GPAT4: variants seen among roughly 807,000 people sequenced by gnomAD.
GPAT4 encodes the protein glycerol-3-phosphate acyltransferase 4, also known as 1-AGP acyltransferase 6.
A neutral mutation model predicts 58.0 loss-of-function variants in GPAT4; 17 were observed. The observed-to-expected ratio is 0.29, with a 90% CI of 0.20 to 0.44. The LOEUF is 0.44. Among genes scored for constraint, GPAT4 ranks in the 20% least tolerant of loss-of-function variants. The pLI, the probability that GPAT4 is intolerant of heterozygous loss-of-function variation, is 1.00. For synonymous variants in GPAT4, 204 were observed against 210.1 expected, an observed-to-expected ratio of 0.97 and a Z score of 0.25; for missense variants, 377 against 574.5, an observed-to-expected ratio of 0.66 and a Z score of 3.51.
intron 1 of GPAT4, among the ~76,000 whole-genome samples, chr8:41,579,768 G>A (rs1300347313): frequency 6.6e-6 from 1 of 152,032 alleles, no homozygotes; most frequent in East Asian, 1.9e-4. Flanking sequence ...AACCCAGGAG[G>A]CAGAGGTTGC....
At chr8:41,609,516 A>G (rs1803378524) in intron 3 of GPAT4, 31 bp downstream of exon 3, 1 of 1,611,994 alleles carries the variant, frequency 6.2e-7, no homozygotes. Flanking sequence ...TTGTCCTGAG[A>G]GGTCCATTTG....
At position 41,611,945 on chromosome 8, in the gene GPAT4, C is replaced by T. The variant is rs754067228; in HGVS notation, c.654C>T (p.Tyr218=). The T allele has an allele frequency of 4.3e-6, 7 of 1,614,020 alleles. No homozygotes were observed. In the African/African-American group the frequency reaches 8.0e-5, roughly 18 times the overall value. ...GTAAACATGTTCACTTAATGTGTTA[C>T]CGGATCTGCGTGCGAGCGCTGACAG... ...FMSKHVHLMC[Y]RICVRALTAI... The change falls in exon 6 of 13, where the codon TAC becomes TAT. Residue 218 remains tyrosine (Y), a synonymous_variant. Coordinates refer to ENST00000396987, the MANE Select transcript of GPAT4 (RefSeq NM_178819.4).
At chr8:41,613,988 TTTGCTACATCTCAGGGACAG>T (rs1317069740) in intron 8 of GPAT4, among the ~76,000 whole-genome samples, 1 of 152,230 alleles carries the variant, frequency 6.6e-6, no homozygotes, top group Non-Finnish European at 1.5e-5. Flanking sequence ...CCTAACTCCC[TTTGCTACATCTCAGGGACAG>T]AGCATCGAGC....
chr8:41,614,620 A>C (rs545349242), intron 9 of GPAT4, among the ~76,000 whole-genome samples, 179 bp downstream of exon 9: 1 of 152,312 alleles, frequency 6.6e-6, no homozygotes, highest in South Asian at 2.1e-4. Context: ...CAGAATTTGA[A>C]CTAAGAATGC....
In GPAT4 at chr8:41,598,952, G is replaced by A. The variant is rs1399824546; in HGVS notation, c.-188G>A. The stretch of plus-strand genomic sequence containing the variant: ...GCGTTTGCAGTTGCCTCCTGTGGCC[G>A]TGTTTTTCTGTCATTCTGTTCCCAG... On this transcript the variant is annotated 5_prime_UTR_variant, in exon 2 of 13. It adds an upstream start codon to the 5' untranslated region. Transcript: ENST00000396987. The A allele has an allele frequency of 9.8e-6, 7 of 714,194 alleles. No homozygotes were observed. The highest frequency in any genetic ancestry group is 2.8e-5 in the East Asian group (1 of 36,358). The allele number at this position is 714,194 out of a possible 1,614,324, so 44.2% of individuals were successfully genotyped here. A position where few individuals can be genotyped will look rare whatever the true frequency, so the allele number is the denominator to read the frequency against.
chr8:41,618,611 C>A, intron 10 of GPAT4, 73 bp from the exon 11 acceptor site: 1 of 1,575,982 alleles, frequency 6.3e-7, no homozygotes, highest in Non-Finnish European at 8.7e-7. Flanking sequence ...GAGTCACTCA[C>A]AGCAGTCACT....
chr8:41,599,384 A>C (rs963780853), intron 2 of GPAT4, 80 bp downstream of exon 2: 1 of 1,509,278 alleles, frequency 6.6e-7, no homozygotes, highest in African/African-American at 1.4e-5. Context: ...TTACAGGCCT[A>C]TTATCTCTTT....
At chr8:41,599,326 G>C in intron 2 of GPAT4, 22 bp downstream of exon 2, 2 of 1,612,862 alleles carry the variant, frequency 1.2e-6, no homozygotes, top group East Asian at 4.5e-5. Context: ...TGTTACAAAA[G>C]GTTGCTTCAC....
chr8:41,610,984 T>TG (rs1304557240), intron 5 of GPAT4, among the ~76,000 whole-genome samples, 174 bp downstream of exon 5: 1 of 152,212 alleles, frequency 6.6e-6, no homozygotes, highest in Non-Finnish European at 1.5e-5. Flanking sequence ...CCCAGCACTT[T>TG]GGGAGGCTGA....
rs1735735517 is a variant in GPAT4, at chr8:41,612,854, G to A, written c.805G>A (p.Val269Met). The A allele has an allele frequency of 6.2e-7, 1 of 1,614,070 alleles. No individual in the cohort carries two copies. Among genetic ancestry groups the A allele is most frequent in the African/African-American group, 1.3e-5 (1 of 75,024 alleles). ...SDGYYAMVGQ[V>M]HGGLMGVIQR... is the part of the protein sequence containing the mutation. The stretch of plus-strand genomic sequence containing the variant: ...CTGTGCCTGCGCTTAGGTGGGTCAA[G>A]TGCACGGGGGACTCATGGGTGTGAT... The change falls in exon 8 of 13, where the codon GTG becomes ATG. Residue 269 changes from valine (V) to methionine (M), a missense_variant. Val to Met is a conservative substitution (Grantham distance 21). Coordinates refer to ENST00000396987, the MANE Select transcript of GPAT4 (RefSeq NM_178819.4).
chr8:41,590,564 C>G (rs1056916230), intron 1 of GPAT4, among the ~76,000 whole-genome samples: 1 of 152,210 alleles, frequency 6.6e-6, no homozygotes. Flanking sequence ...GACAATGACT[C>G]CACCGTACAG....
At chr8:41,611,836 A>G in intron 5 of GPAT4, 67 bp from the exon 6 acceptor site, 1 of 1,480,742 alleles carries the variant, frequency 6.8e-7, no homozygotes, top group African/African-American at 1.4e-5. Flanking sequence ...GAGCTGTTGA[A>G]GTCAGTAACT....
At chr8:41,607,461 G>T (rs116640887) in intron 2 of GPAT4, among the ~76,000 whole-genome samples, 2 of 152,118 alleles carry the variant, frequency 1.3e-5, no homozygotes, top group African/African-American at 4.8e-5. Flanking sequence ...TCATCTGAGA[G>T]GCCTTATGTC....
chr8:41,590,919 G>A (rs1367234736), intron 1 of GPAT4, among the ~76,000 whole-genome samples: 1 of 152,106 alleles, frequency 6.6e-6, no homozygotes, highest in Non-Finnish European at 1.5e-5. Flanking sequence ...ACAAGGGAAG[G>A]GCCTTGAGTT....
rs1803787016 is a variant in GPAT4, at chr8:41,622,584, C to T, written c.*1583C>T. The T allele has an allele frequency of 6.6e-6, 1 of 152,374 alleles. No individual in the cohort carries two copies. Among genetic ancestry groups the T allele is most frequent in the African/African-American group, 2.4e-5 (1 of 41,446 alleles). The allele number at this position is 152,374 out of a possible 1,614,324, so 9.4% of individuals were successfully genotyped here. A position where few individuals can be genotyped will look rare whatever the true frequency, so the allele number is the denominator to read the frequency against. On this transcript the variant is annotated 3_prime_UTR_variant, in exon 13 of 13. Coordinates refer to ENST00000396987, the MANE Select transcript of GPAT4 (RefSeq NM_178819.4). ...GCCTGTGGTGCTGAGTGTCACGTCC[C>T]CAAGGTCGCCCTCTGGCCTGCAGTT...
chr8:41,581,924 C>T (rs911374626), intron 1 of GPAT4, among the ~76,000 whole-genome samples: 4 of 147,994 alleles, frequency 2.7e-5, no homozygotes, highest in Non-Finnish European at 5.9e-5. Context: ...TGAGCCATCG[C>T]ACCCGGCCGA....
chr8:41,581,166 C>T (rs1332744184), intron 1 of GPAT4, among the ~76,000 whole-genome samples: 1 of 152,152 alleles, frequency 6.6e-6, no homozygotes, highest in Non-Finnish European at 1.5e-5. Context: ...TAATAGCGTA[C>T]ACTATGATTA....
chr8:41,587,702 T>G (rs1341333845), intron 1 of GPAT4, among the ~76,000 whole-genome samples: 2 of 152,174 alleles, frequency 1.3e-5, no homozygotes, highest in African/African-American at 4.8e-5. Context: ...CTGTAGATAT[T>G]GCCAGATGCT....
At chr8:41,579,487 A>G (rs1285284854) in intron 1 of GPAT4, among the ~76,000 whole-genome samples, 1 of 152,356 alleles carries the variant, frequency 6.6e-6, no homozygotes, top group East Asian at 1.9e-4. Context: ...TAAGAAACAC[A>G]GTAGAGTTGA....
Sources: gnomAD v4.1 joint callset for allele counts (sites outside exome capture counted in the v4.1 genomes callset) on GRCh38, gnomAD v4.1.1 for gene constraint, MANE v1.5 for transcripts, NCBI Gene and HGNC (gene_info 2026-07-23, HGNC 2026-07-21) for gene names.